The following ACTR10 variants were observed in gnomAD, a reference collection of about 807,000 sequenced individuals.
ACTR10 encodes the protein actin-related protein 10.
A neutral mutation model predicts 56.2 loss-of-function variants in ACTR10; 43 were observed. The observed-to-expected ratio is 0.77, with a 90% CI of 0.60 to 0.99. The LOEUF (loss-of-function observed/expected upper bound fraction) is 0.99, where lower values mean the gene tolerates loss of function less well. ACTR10 is among the 50% of genes least tolerant of loss of function. ACTR10 has a pLI of 0.00. For missense variants in ACTR10, 466 were observed against 507.8 expected (o/e 0.92, Z 0.79); for synonymous variants, 170 against 176.3 (o/e 0.96, Z 0.28).
At chr14:58,201,205 C>G (rs1174622156) in intron 1 of ACTR10, among the ~76,000 whole-genome samples, 1 of 152,008 alleles carries the variant, frequency 6.6e-6, no homozygotes, top group Non-Finnish European at 1.5e-5. Context: ...AAAATTGGAC[C>G]CCAGGAACTC....
At chr14:58,227,139 C>T (rs1889422615) in intron 10 of ACTR10, among the ~76,000 whole-genome samples, 2 of 150,394 alleles carry the variant, frequency 1.3e-5, no homozygotes, top group Non-Finnish European at 2.9e-5. Context: ...TTATATAAAC[C>T]AGTAATTCAT....
chr14:58,234,327 A>C (rs1889616917), intron 12 of ACTR10, 43 bp from the exon 13 acceptor site: 2 of 1,502,898 alleles, frequency 1.3e-6, no homozygotes, highest in Admixed American at 4.2e-5. Flanking sequence ...GTTTTCTGGT[A>C]AAAGTTTTCA....
intron 10 of ACTR10, among the ~76,000 whole-genome samples, 162 bp from the exon 11 acceptor site, chr14:58,230,237 C>A (rs1889497671): frequency 6.6e-6 from 1 of 152,140 alleles, no homozygotes; most frequent in South Asian, 2.1e-4. Flanking sequence ...CATTGTTATC[C>A]TCTCCATTTA....
In ACTR10 at chr14:58,218,037, A is replaced by G. The variant is rs1889178244; in HGVS notation, c.599-1657A>G. Among the ~76,000 whole-genome samples, 3 of 152,202 alleles carry G rather than the reference A, an allele frequency of 2.0e-5. No individual in the cohort carries two copies. In the South Asian group the frequency reaches 6.2e-4, roughly 32 times the overall value. On this transcript the variant is annotated intron_variant, in intron 7 of 12. Transcript: ENST00000254286. ...TTATAATTATTTGCCCCTTATGATT[A>G]AGGAGCTCCTTCCCAAAGCAGCATC...
intron 1 of ACTR10, among the ~76,000 whole-genome samples, chr14:58,202,002 CAAAAA>C (rs11460483): frequency 3.0e-5 from 3 of 99,092 alleles, no homozygotes; most frequent in Non-Finnish European, 2.0e-5. Flanking sequence ...GACCCTGCCT[CAAAAA>C]AAAAAAAAAA....
At chr14:58,221,515 G>T (rs535053342) in intron 8 of ACTR10, among the ~76,000 whole-genome samples, 39 of 151,828 alleles carry the variant, frequency 2.6e-4, no homozygotes, top group Admixed American at 5.9e-4. Flanking sequence ...GATCACTTGA[G>T]CCTGGGATCT....
chr14:58,233,438 CAT>C (rs1889593163), intron 12 of ACTR10, among the ~76,000 whole-genome samples: 1 of 152,010 alleles, frequency 6.6e-6, no homozygotes, highest in Non-Finnish European at 1.5e-5. Flanking sequence ...TTTGAAAAAA[CAT>C]AGACAAACCA....
At chr14:58,204,465 C>A (rs865922728) in intron 2 of ACTR10, among the ~76,000 whole-genome samples, 8 of 152,100 alleles carry the variant, frequency 5.3e-5, no homozygotes, top group African/African-American at 1.9e-4. Context: ...GTGGGAGGAT[C>A]ACTTGAGCCC....
At chr14:58,217,661 G>A (rs1406470877) in intron 7 of ACTR10, among the ~76,000 whole-genome samples, 8 of 145,798 alleles carry the variant, frequency 5.5e-5, no homozygotes, top group South Asian at 4.3e-4. Context: ...GGGAGACTCC[G>A]TCTCAAAAAA....
intron 10 of ACTR10, among the ~76,000 whole-genome samples, chr14:58,228,489 G>A (rs1889453120): frequency 6.6e-6 from 1 of 151,904 alleles, no homozygotes; most frequent in African/African-American, 2.4e-5. Context: ...GGGCGTGGTG[G>A]CACAGGCCTG....
At chr14:58,232,369 G>C in intron 12 of ACTR10, 102 bp downstream of exon 12, 1 of 651,758 alleles carries the variant, frequency 1.5e-6, no homozygotes, top group Non-Finnish European at 2.3e-6. Flanking sequence ...GTTCAGAATT[G>C]CCCACTTTAT....
chr14:58,202,377 C>T (rs968949669), intron 1 of ACTR10, among the ~76,000 whole-genome samples: 1 of 150,420 alleles, frequency 6.6e-6, no homozygotes, highest in African/African-American at 2.5e-5. Context: ...GTCAGGAGAT[C>T]GAGACTATCC....
intron 7 of ACTR10, among the ~76,000 whole-genome samples, chr14:58,218,323 A>C (rs1041678935): frequency 2.0e-5 from 3 of 152,194 alleles, no homozygotes; most frequent in African/African-American, 7.2e-5. Flanking sequence ...TGATTTTAAC[A>C]CTTAAAGATA....
chr14:58,208,303 T>G (rs1372635213), intron 3 of ACTR10, among the ~76,000 whole-genome samples: 1 of 152,198 alleles, frequency 6.6e-6, no homozygotes, highest in African/African-American at 2.4e-5. Flanking sequence ...AAAAGAGTTC[T>G]GCATCTGTAT....
intron 2 of ACTR10, 89 bp from the exon 3 acceptor site, chr14:58,207,847 G>A: frequency 1.3e-6 from 1 of 770,862 alleles, no homozygotes; most frequent in South Asian, 3.1e-5. Flanking sequence ...TTTATTCCCA[G>A]AAAATGTATT....
At chr14:58,225,619 AAATTTTCTCCTGATT>A (rs1252350457) in intron 10 of ACTR10, among the ~76,000 whole-genome samples, 17 of 152,104 alleles carry the variant, frequency 1.1e-4, no homozygotes, top group African/African-American at 4.1e-4. Context: ...TTACTTTTTA[AAATTTTCTCCTGATT>A]GTTTATTGAA....
chr14:58,223,806 T>A lies in ACTR10; in HGVS notation c.738T>A (p.Val246=). Residue 246 remains valine (V), a synonymous_variant, in exon 10 of 13, where the codon GTT becomes GTA. Coordinates refer to ENST00000254286, the MANE Select transcript of ACTR10 (RefSeq NM_018477.3). ...NNERPSPPPN[V]DYPLDGEKIL... ...AGCGTCCCTCCCCACCCCCAAATGT[T>A]GACTATCCATTAGATGGAGAGAAGA... 6.2e-7 allele frequency: 1 copy of A among 1,613,420 alleles called. No homozygotes were observed. Among genetic ancestry groups the A allele is most frequent in the Non-Finnish European group, 8.5e-7 (1 of 1,179,448 alleles).
intron 10 of ACTR10, among the ~76,000 whole-genome samples, chr14:58,228,559 C>T (rs767286400): frequency 2.0e-5 from 3 of 150,762 alleles, no homozygotes; most frequent in Admixed American, 1.3e-4. Flanking sequence ...GAGGCTGATC[C>T]GGGATCACAC....
In ACTR10 at chr14:58,206,898, T is replaced by C. The variant is rs554075572; in HGVS notation, c.151-1038T>C. ...TTATAATCTAGCAGAAAGGGGGACATTTTACAAGTAATTCAGTGTGGCGAT... is the reference window on the plus strand; with the variant it reads ...TTATAATCTAGCAGAAAGGGGGACACTTTACAAGTAATTCAGTGTGGCGAT... On this transcript the variant is annotated intron_variant, in intron 2 of 12. Transcript: ENST00000254286. 2.1e-4 allele frequency among the ~76,000 whole-genome samples: 32 copies of C among 152,336 alleles called. No homozygotes were observed. In the South Asian group the frequency reaches 3.5e-3, roughly 17 times the overall value.
Sources: gnomAD v4.1 joint callset for allele counts (sites outside exome capture counted in the v4.1 genomes callset) on GRCh38, gnomAD v4.1.1 for gene constraint, MANE v1.5 for transcripts, NCBI Gene and HGNC (gene_info 2026-07-23, HGNC 2026-07-21) for gene names.